PTPN3: variants seen among roughly 807,000 people sequenced by gnomAD.
PTPN3 encodes tyrosine-protein phosphatase non-receptor type 3.
A neutral mutation model predicts 132.7 loss-of-function variants in PTPN3; 96 were observed. The ratio of observed to expected loss-of-function variants is 0.72; its 90% CI spans 0.61 to 0.86. The LOEUF is 0.86. Among genes scored for constraint, PTPN3 ranks in the 40% least tolerant of loss-of-function variants. PTPN3 has a pLI of 0.00. For synonymous variants in PTPN3, 398 were observed against 429.0 expected (o/e 0.93, Z 0.89); for missense variants, 1,125 against 1,159.6 (o/e 0.97, Z 0.43).
chr9:109,455,949 G>A (rs1263368009), intron 4 of PTPN3, among the ~76,000 whole-genome samples: 1 of 152,174 alleles, frequency 6.6e-6, no homozygotes, highest in Admixed American at 6.5e-5. Flanking sequence ...CATGCCTTGT[G>A]TGGACTCATT....
At chr9:109,461,759 GA>G (rs5899847) in intron 2 of PTPN3, among the ~76,000 whole-genome samples, 88,936 of 146,318 alleles carry the variant, frequency 0.61, 26,738 homozygotes, top group African/African-American at 0.66. Context: ...CTTGTTTCAG[GA>G]AAAAAAAAAA....
At chr9:109,527,061 A>G in the PTPN3 span, among the ~76,000 whole-genome samples, 6 of 152,376 alleles carry the variant, frequency 3.9e-5, no homozygotes, top group East Asian at 9.6e-4. Context: ...AAAGGGCAAC[A>G]TAACAGGATA....
intron 14 of PTPN3, among the ~76,000 whole-genome samples, chr9:109,411,641 G>A (rs899510924): frequency 6.6e-6 from 1 of 152,150 alleles, no homozygotes; most frequent in South Asian, 2.1e-4. Flanking sequence ...GTGAAACCCA[G>A]ACAAAAGACA....
Position 109,377,141 on chromosome 9 carries a change from T to A in PTPN3, c.*2415A>T, listed in dbSNP as rs958080715. The A allele has an allele frequency of 2.0e-5, 3 of 152,224 alleles. No homozygotes were observed. The highest frequency in any genetic ancestry group is 4.4e-5 in the Non-Finnish European group (3 of 68,050). 9.4% of individuals were successfully genotyped at this position (152,224 alleles called of 1,614,324 possible). A position where few individuals can be genotyped will look rare whatever the true frequency, so the allele number is the denominator to read the frequency against. ...TAACTTGCTAAATATCCTAATGGCATTTAAATTTTTGCCAGCGTTCCCTCC... is the reference window on the plus strand; with the variant it reads ...TAACTTGCTAAATATCCTAATGGCAATTAAATTTTTGCCAGCGTTCCCTCC... On this transcript the variant is annotated 3_prime_UTR_variant, in exon 26 of 26. Coordinates refer to ENST00000374541, the MANE Select transcript of PTPN3 (RefSeq NM_002829.4).
At chr9:109,503,207 A>G (rs1847881203), upstream of PTPN3, among the ~76,000 whole-genome samples, 1 of 152,166 alleles carries the variant, frequency 6.6e-6, no homozygotes, top group South Asian at 2.1e-4. Flanking sequence ...CTACCGACAA[A>G]GAGTCACCAG....
Position 109,445,282 on chromosome 9 carries a change from G to A in PTPN3, c.424C>T (p.Pro142Ser). Residue 142 changes from proline to serine, a missense_variant, in exon 7 of 26, where the codon CCT becomes TCT. Pro to Ser is a moderately conservative substitution (Grantham distance 74, BLOSUM62 -1). Coordinates refer to ENST00000374541, the MANE Select transcript of PTPN3 (RefSeq NM_002829.4). ...MDICEGRLTC[P>S]LNSAVVLASY... is the part of the protein sequence containing the mutation. Reference sequence around the variant, plus strand: ...GCTAGAACCACTGCTGAGTTAAGAGGGCAGGTTAACCTGTCAGGAGAAAAA... The same window carrying A: ...GCTAGAACCACTGCTGAGTTAAGAGAGCAGGTTAACCTGTCAGGAGAAAAA... 3 of 1,613,612 alleles carry A rather than the reference G, an allele frequency of 1.9e-6. No homozygotes were observed. Among genetic ancestry groups the A allele is most frequent in the Non-Finnish European group, 8.5e-7 (1 of 1,179,544 alleles).
At chr9:109,486,033 T>G (rs975658715) in intron 1 of PTPN3, among the ~76,000 whole-genome samples, 3 of 152,204 alleles carry the variant, frequency 2.0e-5, no homozygotes, top group African/African-American at 7.2e-5. Context: ...TGGAAATTCT[T>G]GCAGTATGAA....
At chr9:109,518,979 C>T in the PTPN3 span, among the ~76,000 whole-genome samples, 3 of 152,222 alleles carry the variant, frequency 2.0e-5, no homozygotes, top group East Asian at 5.8e-4. Context: ...TTACTTCCTC[C>T]AGGAAGACTT....
rs550047302 is a variant in PTPN3, at chr9:109,436,858, G to T, written c.675+25C>A. ...ATTAAAATAAAAACATAATGTTTGA[G>T]CCAAGACATAACAAGAATACATACC... On this transcript the variant is annotated intron_variant, in intron 9 of 25. Transcript: ENST00000374541. 41 of 1,600,618 alleles carry T rather than the reference G, an allele frequency of 2.6e-5. No homozygotes were observed. The South Asian group carries it at 3.7e-4, about 14-fold the overall frequency.
At chr9:109,504,212 A>G in the PTPN3 span, among the ~76,000 whole-genome samples, 124 of 152,260 alleles carry the variant, frequency 8.1e-4, no homozygotes, top group African/African-American at 2.8e-3. Context: ...GAGCCTCTCT[A>G]GATTAAAGAA....
At chr9:109,420,663 G>C in intron 13 of PTPN3, 63 bp from the exon 14 acceptor site, 1 of 1,504,330 alleles carries the variant, frequency 6.6e-7, no homozygotes, top group Non-Finnish European at 9.0e-7. Flanking sequence ...AATTTTATTA[G>C]ACACCAGTGA....
chr9:109,464,034 T>C (rs1317354401), intron 1 of PTPN3, among the ~76,000 whole-genome samples: 1 of 152,066 alleles, frequency 6.6e-6, no homozygotes, highest in Non-Finnish European at 1.5e-5. Flanking sequence ...AAACAGGTAC[T>C]CAACCATATT....
chr9:109,488,175 A>C (rs1306106100), intron 1 of PTPN3, among the ~76,000 whole-genome samples: 1 of 146,258 alleles, frequency 6.8e-6, no homozygotes, highest in Non-Finnish European at 1.5e-5. Flanking sequence ...GGCTCACTGC[A>C]ACCTCTGCCC....
intron 1 of PTPN3, among the ~76,000 whole-genome samples, chr9:109,471,061 CTT>C (rs370759165): frequency 9.8e-5 from 14 of 143,536 alleles, no homozygotes; most frequent in Non-Finnish European, 9.2e-5. Context: ...ACATACGCAT[CTT>C]TTTTTTTTTT....
intron 22 of PTPN3, 130 bp downstream of exon 22, chr9:109,389,103 T>C (rs1161548576): frequency 8.1e-7 from 1 of 1,238,260 alleles, no homozygotes; most frequent in Admixed American, 2.7e-5. Flanking sequence ...GGTTGCTCTG[T>C]AGAGGAGACT....
At chr9:109,451,561 C>A (rs1039604732) in intron 5 of PTPN3, among the ~76,000 whole-genome samples, 2 of 152,242 alleles carry the variant, frequency 1.3e-5, no homozygotes, top group Non-Finnish European at 2.9e-5. Flanking sequence ...GACTACTCTT[C>A]GGACACCTGA....
At chr9:109,392,472 A>G (rs1840209268) in intron 19 of PTPN3, 2 of 152,100 alleles carry the variant, frequency 1.3e-5, no homozygotes, top group African/African-American at 2.4e-5. Flanking sequence ...TGCTTTTTGT[A>G]TATTTTCTCC....
intron 1 of PTPN3, among the ~76,000 whole-genome samples, chr9:109,472,325 G>A (rs919301398): frequency 4.6e-5 from 7 of 152,174 alleles, no homozygotes; most frequent in Non-Finnish European, 8.8e-5. Context: ...TCAGAAACCC[G>A]TTGAGTCAAC....
rs1407948227 is a variant in PTPN3 at position 109,420,407 on chromosome 9, C to T, written c.1313+17G>A. 3.8e-6 allele frequency: 6 copies of T among 1,575,628 alleles called. No homozygotes were observed. The highest frequency in any genetic ancestry group is 4.3e-6 in the Non-Finnish European group (5 of 1,155,176). ...AAAAAGCAAATACCCAGAAATAAAA[C>T]AACACGAGTTTCTTACTCTTGGTGC... is the stretch of plus-strand genomic sequence containing the variant. On this transcript the variant is annotated intron_variant, in intron 14 of 25. Transcript: ENST00000374541.
Sources: gnomAD v4.1 joint callset for allele counts (sites outside exome capture counted in the v4.1 genomes callset) on GRCh38, gnomAD v4.1.1 for gene constraint, MANE v1.5 for transcripts, NCBI Gene and HGNC (gene_info 2026-07-23, HGNC 2026-07-21) for gene names.